DNAAF1: variants seen among roughly 807,000 people sequenced by gnomAD.
DNAAF1 encodes the protein dynein assembly factor 1, axonemal.
In DNAAF1, 65 loss-of-function variants were observed where a neutral mutation model predicts 71.1. The observed-to-expected ratio is 0.91, with a 90% confidence interval of 0.75 to 1.12. The LOEUF (loss-of-function observed/expected upper bound fraction) is 1.12, where lower values mean the gene tolerates loss of function less well. Among genes scored for constraint, DNAAF1 ranks in the 50% most tolerant of loss-of-function variants. The pLI, the probability that DNAAF1 is intolerant of heterozygous loss-of-function variation, is 0.00. For synonymous variants in DNAAF1, 414 were observed against 354.6 expected, an observed-to-expected ratio of 1.17 and a Z score of -1.88; for missense variants, 1,178 against 899.8, an observed-to-expected ratio of 1.31 and a Z score of -3.96.
intron 3 of DNAAF1, among the ~76,000 whole-genome samples, chr16:84,153,694 T>G (rs749688636): frequency 3.0e-4 from 45 of 152,184 alleles, no homozygotes; most frequent in Non-Finnish European, 5.6e-4. Flanking sequence ...GGTCAAGGCA[T>G]GAATTACACA....
chr16:84,145,497 G>C lies in DNAAF1; in HGVS notation c.57G>C (p.Ala19=), dbSNP rs1270404368. 1 of 1,567,188 alleles carries C rather than the reference G, an allele frequency of 6.4e-7. No individual in the cohort carries two copies. Among genetic ancestry groups the C allele is most frequent in the Non-Finnish European group, 8.7e-7 (1 of 1,155,844 alleles). Residue 19 remains alanine (A), a synonymous_variant, in exon 1 of 12, where the codon GCG becomes GCC. Transcript: ENST00000378553. Reference sequence around the variant, plus strand: ...GTGGTGCAGCAGAGCTGGATTGCGCGCAGGAGCCCGGCGTGGAGGAGTCTG... The same window carrying C: ...GTGGTGCAGCAGAGCTGGATTGCGCCCAGGAGCCCGGCGTGGAGGAGTCTG... ...ATGGAAELDC[A]QEPGVEESAG...
chr16:84,163,878 G>GGT, intron 6 of DNAAF1, among the ~76,000 whole-genome samples: 1 of 150,136 alleles, frequency 6.7e-6, no homozygotes, highest in South Asian at 2.1e-4. Context: ...TTTTTTGTGG[G>GGT]GGACAGCGTT....
chr16:84,157,845 C>G (rs1376387917), intron 5 of DNAAF1, among the ~76,000 whole-genome samples: 1 of 152,122 alleles, frequency 6.6e-6, no homozygotes, highest in Non-Finnish European at 1.5e-5. Context: ...ATATTATAAT[C>G]CCCCCGTTTG....
intron 3 of DNAAF1, among the ~76,000 whole-genome samples, chr16:84,153,245 G>C (rs1253097113): frequency 6.6e-6 from 1 of 152,116 alleles, no homozygotes; most frequent in Non-Finnish European, 1.5e-5. Context: ...TGTGGAGAGG[G>C]TTTGCAAGGA....
Position 84,148,992 on chromosome 16 carries a change from T to G in DNAAF1, c.125-15T>G, listed in dbSNP as rs751364003. ...TATCTTGATCTCTACAGACCTGATC[T>G]CTTTTATTTTACAGAAATTAATGAT... On this transcript the variant is annotated splice_polypyrimidine_tract_variant and intron_variant, in intron 1 of 11. Transcript: ENST00000378553. 6.2e-7 allele frequency: 1 copy of G among 1,613,942 alleles called. No homozygotes were observed. The highest frequency in any genetic ancestry group is 8.5e-7 in the Non-Finnish European group (1 of 1,179,930).
In DNAAF1 at chr16:84,175,928, A is replaced by C. The variant is rs748161119; in HGVS notation, c.1699-5A>C. Reference sequence around the variant, plus strand: ...ACTTTCAGACACCTTTTCTTCTGTAAATAGAATATGTGCTTTCCGAAGATT... The same window carrying C: ...ACTTTCAGACACCTTTTCTTCTGTACATAGAATATGTGCTTTCCGAAGATT... On this transcript the variant is annotated splice_region_variant and splice_polypyrimidine_tract_variant and intron_variant, in intron 10 of 11. Coordinates refer to ENST00000378553, the MANE Select transcript of DNAAF1 (RefSeq NM_178452.6). The C allele has an allele frequency of 2.4e-5, 38 of 1,613,926 alleles. 1 individual carries two copies. The highest frequency in any genetic ancestry group is 2.0e-4 in the East Asian group (9 of 44,900).
Position 84,150,245 on chromosome 16 carries a change from T to C in DNAAF1, c.261-6T>C, listed in dbSNP as rs756433852. ...TAAGCTTATTCATATTTTTCCATTTTAACAGAATGACTAAAAGTTCCCTGC... is the reference window on the plus strand; with the variant it reads ...TAAGCTTATTCATATTTTTCCATTTCAACAGAATGACTAAAAGTTCCCTGC... On this transcript the variant is annotated splice_region_variant and splice_polypyrimidine_tract_variant and intron_variant, in intron 2 of 11. Coordinates refer to ENST00000378553, the MANE Select transcript of DNAAF1 (RefSeq NM_178452.6). 2.5e-6 allele frequency: 4 copies of C among 1,607,864 alleles called. No individual in the cohort carries two copies. In the Admixed American group the frequency reaches 6.7e-5, roughly 27 times the overall value.
chr16:84,155,190 G>C (rs544620281), intron 4 of DNAAF1, among the ~76,000 whole-genome samples: 1 of 152,182 alleles, frequency 6.6e-6, no homozygotes, highest in Non-Finnish European at 1.5e-5. Flanking sequence ...TTACAGGCGT[G>C]AGCCACCATG....
chr16:84,172,581 C>T (rs1423665701), intron 9 of DNAAF1: 2 of 1,398,136 alleles, frequency 1.4e-6, no homozygotes, highest in Non-Finnish European at 1.9e-6. Flanking sequence ...CATGCACTGC[C>T]CTAGGTGATT....
chr16:84,174,976 C>G (rs2088575757), intron 10 of DNAAF1: 1 of 433,404 alleles, frequency 2.3e-6, no homozygotes, highest in East Asian at 5.1e-5. Flanking sequence ...CTGTCTCAGC[C>G]TCCCAAGTAG....
chr16:84,153,640 T>C lies in DNAAF1; in HGVS notation c.353-937T>C, dbSNP rs375261075. Among the ~76,000 whole-genome samples the C allele has an allele frequency of 3.6e-3, 552 of 152,280 alleles. 5 individuals are homozygous for C. The highest frequency in any genetic ancestry group is 0.013 in the African/African-American group (520 of 41,558). On this transcript the variant is annotated intron_variant, in intron 3 of 11. Coordinates refer to ENST00000378553, the MANE Select transcript of DNAAF1 (RefSeq NM_178452.6). ...TTAGAATTTTTTAATAAAAACTTTT[T>C]CAGGCAACAAAATAAAGAACTTTAA...
At position 84,148,383 on chromosome 16, in the gene DNAAF1, A is replaced by G. The variant is rs1472002847; in HGVS notation, c.125-624A>G. The stretch of plus-strand genomic sequence containing the variant: ...AGGTAGAAAAGCAAGTCATTGTTTT[A>G]TGTAACCAGCCCCTATGGATGGACA... On this transcript the variant is annotated intron_variant, in intron 1 of 11. Transcript: ENST00000378553. Among the ~76,000 whole-genome samples, 3 of 152,124 alleles carry G rather than the reference A, an allele frequency of 2.0e-5. No individual in the cohort carries two copies. The South Asian group carries it at 6.2e-4, about 32-fold the overall frequency.
At chr16:84,145,605 G>C (rs2086861877) in intron 1 of DNAAF1, 41 bp downstream of exon 1, 3 of 1,538,998 alleles carry the variant, frequency 1.9e-6, no homozygotes, top group South Asian at 2.4e-5. Context: ...GCGAGGGGCA[G>C]ACACGGCTAG....
intron 11 of DNAAF1, 195 bp from the exon 12 acceptor site, chr16:84,177,534 G>A (rs1258579604): frequency 3.5e-6 from 2 of 564,128 alleles, no homozygotes; most frequent in Admixed American, 2.4e-5. Context: ...TCACCATGTT[G>A]ACCAGGCTGG....
intron 8 of DNAAF1, among the ~76,000 whole-genome samples, chr16:84,171,982 A>G (rs1403258867): frequency 6.7e-6 from 1 of 150,270 alleles, no homozygotes; most frequent in Non-Finnish European, 1.5e-5. Flanking sequence ...GGTTCAAGCT[A>G]TTCTCCTGCC....
chr16:84,159,716 T>G lies in DNAAF1; in HGVS notation c.783T>G (p.Ile261Met). 1 of 1,614,034 alleles carries G rather than the reference T, an allele frequency of 6.2e-7. No individual in the cohort carries two copies. Among genetic ancestry groups the G allele is most frequent in the Non-Finnish European group, 8.5e-7 (1 of 1,179,958 alleles). ...NLMGNPVIRQ[I>M]PNYRRTVTVR... ...TGGGAAACCCGGTTATCAGACAGAT[T>G]CCTAATTACAGAAGGACAGTCACTG... The change falls in exon 6 of 12, where the codon ATT (isoleucine) becomes ATG (methionine). Residue 261 changes from isoleucine (I) to methionine (M), a missense_variant. Coordinates refer to ENST00000378553, the MANE Select transcript of DNAAF1 (RefSeq NM_178452.6).
intron 9 of DNAAF1, chr16:84,174,210 G>C: frequency 9.7e-7 from 1 of 1,036,012 alleles, no homozygotes; most frequent in Non-Finnish European, 1.2e-6. Flanking sequence ...ACCACGCACT[G>C]GTTGTTATGG....
At chr16:84,158,098 T>G (rs2087528649) in intron 5 of DNAAF1, among the ~76,000 whole-genome samples, 1 of 151,970 alleles carries the variant, frequency 6.6e-6, no homozygotes, top group Admixed American at 6.6e-5. Context: ...CCAGCTACTC[T>G]GGTGGCTGAG....
At chr16:84,172,002 C>T (rs913150529) in intron 8 of DNAAF1, among the ~76,000 whole-genome samples, 2 of 152,030 alleles carry the variant, frequency 1.3e-5, no homozygotes, top group African/African-American at 2.4e-5. Context: ...CTCAGCCTCC[C>T]AAGTAGCTGA....
Sources: gnomAD v4.1 joint callset for allele counts (sites outside exome capture counted in the v4.1 genomes callset) on GRCh38, gnomAD v4.1.1 for gene constraint, MANE v1.5 for transcripts, NCBI Gene and HGNC (gene_info 2026-07-23, HGNC 2026-07-21) for gene names.